CFAP77: variants seen among roughly 807,000 people sequenced by gnomAD.
CFAP77 encodes cilia- and flagella-associated protein 77.
Under a neutral mutation model 31.1 loss-of-function variants are expected in CFAP77, and 25 were observed. The observed-to-expected ratio is 0.80, with a 90% CI of 0.59 to 1.12. The LOEUF (loss-of-function observed/expected upper bound fraction) is 1.12, where lower values mean the gene tolerates loss of function less well. Among genes scored for constraint, CFAP77 ranks in the 50% most tolerant of loss-of-function variants. CFAP77 has a pLI of 0.00. For synonymous variants in CFAP77, 151 were observed against 159.9 expected, an observed-to-expected ratio of 0.94 and a Z score of 0.42; for missense variants, 377 against 397.3, an observed-to-expected ratio of 0.95 and a Z score of 0.44.
chr9:132,526,546 A>G (rs962419377), intron 3 of CFAP77, among the ~76,000 whole-genome samples: 1 of 150,698 alleles, frequency 6.6e-6, no homozygotes, highest in Non-Finnish European at 1.5e-5. Flanking sequence ...GTTTCTTAAA[A>G]AAAAACTAAA....
At chr9:132,506,708 A>G (rs1162290704) in intron 3 of CFAP77, among the ~76,000 whole-genome samples, 1 of 152,176 alleles carries the variant, frequency 6.6e-6, no homozygotes, top group African/African-American at 2.4e-5. Context: ...CTCAGGTCAG[A>G]CACTGCCGAG....
At chr9:132,464,477 C>T (rs899969174) in intron 1 of CFAP77, among the ~76,000 whole-genome samples, 3 of 152,168 alleles carry the variant, frequency 2.0e-5, no homozygotes, top group African/African-American at 7.2e-5. Flanking sequence ...TGTGCAAGCC[C>T]TCTAGGTGGT....
At chr9:132,561,659 A>ACC (rs1465796390) in intron 5 of CFAP77, among the ~76,000 whole-genome samples, 4 of 64,176 alleles carry the variant, frequency 6.2e-5, no homozygotes, top group Non-Finnish European at 1.2e-4. Flanking sequence ...ACACACACAC[A>ACC]CACCCCCTCC....
chr9:132,410,562 CG>C, intron 1 of CFAP77, 96 bp downstream of exon 1: 1 of 1,124,596 alleles, frequency 8.9e-7, no homozygotes, highest in Non-Finnish European at 1.2e-6. Flanking sequence ...CCCCGCGGCC[CG>C]GGGTCCGAGC....
intron 1 of CFAP77, among the ~76,000 whole-genome samples, chr9:132,441,866 C>T (rs182710115): frequency 4.6e-5 from 7 of 152,314 alleles, no homozygotes; most frequent in East Asian, 1.9e-4. Context: ...TTGCTGGAGA[C>T]GCAGAGTCTC....
intron 1 of CFAP77, among the ~76,000 whole-genome samples, chr9:132,463,947 G>C (rs1182947778): frequency 6.6e-6 from 1 of 152,202 alleles, no homozygotes; most frequent in African/African-American, 2.4e-5. Flanking sequence ...ACCTGGGCTG[G>C]GAGCCGCCTG....
rs73659096 is a variant in CFAP77, at chr9:132,562,080, C to T, written c.733-10308C>T. Among the ~76,000 whole-genome samples the T allele has an allele frequency of 9.2e-3, 1,396 of 152,336 alleles. 23 individuals are homozygous for T. The highest frequency in any genetic ancestry group is 0.032 in the African/African-American group (1,340 of 41,572). On this transcript the variant is annotated intron_variant, in intron 5 of 5. Transcript: ENST00000393216. ...TCGGGAAGTCACATACGTAAGCCAA[C>T]GTCACCCACCACTGGCGGCTACGGT...
At chr9:132,544,488 CTATTTTTTTTTTTTTTTTTTTTTTTA>C (rs1852701365) in intron 5 of CFAP77, among the ~76,000 whole-genome samples, 1 of 135,642 alleles carries the variant, frequency 7.4e-6, no homozygotes, top group Non-Finnish European at 1.6e-5. Context: ...TCCTCACTGC[CTATTTTTTTTTTTTTTTTTTTTTTTA>C]AGGCTGGGTC....
intron 3 of CFAP77, among the ~76,000 whole-genome samples, chr9:132,531,635 G>GGC (rs1554748517): frequency 7.1e-6 from 1 of 141,802 alleles, no homozygotes; most frequent in African/African-American, 2.5e-5. Context: ...TGGGGGGGGG[G>GGC]GCATGGAAGG....
At chr9:132,553,871 T>C (rs1049604820) in intron 5 of CFAP77, among the ~76,000 whole-genome samples, 2 of 152,260 alleles carry the variant, frequency 1.3e-5, no homozygotes, top group African/African-American at 4.8e-5. Flanking sequence ...CAACGCCACT[T>C]GAATCACTTA....
chr9:132,548,495 G>T (rs368451153), intron 5 of CFAP77, among the ~76,000 whole-genome samples: 6 of 152,134 alleles, frequency 3.9e-5, no homozygotes, highest in African/African-American at 1.4e-4. Flanking sequence ...CCAAACGCTC[G>T]CACGCTGCTG....
chr9:132,437,908 A>ACAGAG (rs1157271047), intron 1 of CFAP77, among the ~76,000 whole-genome samples: 1 of 151,750 alleles, frequency 6.6e-6, no homozygotes, highest in Non-Finnish European at 1.5e-5. Context: ...CCTCAAGAGT[A>ACAGAG]CAGAGAAAAG....
intron 5 of CFAP77, among the ~76,000 whole-genome samples, chr9:132,569,512 G>C (rs1829927594): frequency 1.3e-5 from 2 of 152,106 alleles, no homozygotes; most frequent in African/African-American, 2.4e-5. Flanking sequence ...AATATAAATA[G>C]TTATTATTAC....
chr9:132,479,926 G>A (rs1851417935), intron 1 of CFAP77, among the ~76,000 whole-genome samples: 1 of 152,162 alleles, frequency 6.6e-6, no homozygotes, highest in South Asian at 2.1e-4. Flanking sequence ...CAGGAGAGTG[G>A]CAGTGGAACC....
intron 1 of CFAP77, among the ~76,000 whole-genome samples, chr9:132,448,494 C>T (rs1353034696): frequency 6.6e-6 from 1 of 152,182 alleles, no homozygotes; most frequent in Non-Finnish European, 1.5e-5. Flanking sequence ...CATTCACCTC[C>T]TGGGCTGGTT....
At chr9:132,417,516 T>C (rs1850125532) in intron 1 of CFAP77, among the ~76,000 whole-genome samples, 1 of 152,224 alleles carries the variant, frequency 6.6e-6, no homozygotes, top group African/African-American at 2.4e-5. Flanking sequence ...GCCAGCAGTG[T>C]GGTATAGATG....
At chr9:132,560,094 G>T (rs71503151) in intron 5 of CFAP77, among the ~76,000 whole-genome samples, 1 of 152,328 alleles carries the variant, frequency 6.6e-6, no homozygotes, top group South Asian at 2.1e-4. Flanking sequence ...TCTAAACTTA[G>T]GGTGTGGAGG....
rs745741039 is a variant in CFAP77, at chr9:132,501,745, C to T, written c.524+2145C>T. Among the ~76,000 whole-genome samples the T allele has an allele frequency of 3.3e-5, 5 of 152,222 alleles. No homozygotes were observed. The highest frequency in any genetic ancestry group is 3.9e-4 in the East Asian group (2 of 5,194). On this transcript the variant is annotated intron_variant, in intron 3 of 5. Coordinates refer to ENST00000393216, the MANE Select transcript of CFAP77 (RefSeq NM_001282957.2). This position sits in a 1 kb window ranked among gnomAD's most constrained non-coding sequence, Gnocchi z 4.6. Reference sequence around the variant, plus strand: ...TCAGCCACTGTGGTCAGGGCTGAGACGCCAGGCCTGGGTCATGTGTCTGCC... The same window carrying T: ...TCAGCCACTGTGGTCAGGGCTGAGATGCCAGGCCTGGGTCATGTGTCTGCC...
At chr9:132,484,717 GTTTTC>G (rs922378191) in intron 1 of CFAP77, among the ~76,000 whole-genome samples, 3 of 151,298 alleles carry the variant, frequency 2.0e-5, no homozygotes, top group South Asian at 2.1e-4. Context: ...TTGAATGCCT[GTTTTC>G]TTTTTTTTTT....
Sources: allele counts gnomAD v4.1 joint callset (sites outside exome capture counted in the v4.1 genomes callset), GRCh38; gene constraint gnomAD v4.1.1; non-coding constraint Gnocchi (gnomAD v3.1); transcripts MANE v1.5; gene names NCBI Gene and HGNC (gene_info 2026-07-23, HGNC 2026-07-21).